The following NCALD variants were observed in gnomAD, a reference collection of about 807,000 sequenced individuals.
NCALD encodes neurocalcin delta, also known as neurocalcin-delta.
In NCALD, 10 loss-of-function variants were observed where a neutral mutation model predicts 18.6. The ratio of observed to expected loss-of-function variants is 0.54; its 90% CI spans 0.33 to 0.91. The LOEUF is 0.91. NCALD is among the 40% of genes least tolerant of loss of function. The probability of loss-of-function intolerance (pLI) is 0.03; values close to 1 mark genes in which losing one functional copy is unlikely to be tolerated. For synonymous variants in NCALD, 88 were observed against 87.4 expected, an observed-to-expected ratio of 1.01 and a Z score of -0.04; for missense variants, 184 against 247.6, an observed-to-expected ratio of 0.74 and a Z score of 1.72.
chr8:102,068,575 G>A (rs938015675), intron 1 of NCALD, among the ~76,000 whole-genome samples: 18 of 152,180 alleles, frequency 1.2e-4, no homozygotes, highest in Middle Eastern at 3.4e-3. Context: ...CCAGTTTAAA[G>A]TTGCCTGCCT....
At chr8:101,909,403 C>A (rs906241484) in intron 3 of NCALD, among the ~76,000 whole-genome samples, 3 of 152,160 alleles carry the variant, frequency 2.0e-5, no homozygotes, top group South Asian at 2.1e-4. Flanking sequence ...CAAAGAAATG[C>A]CCTCCTGTGA....
intron 1 of NCALD, among the ~76,000 whole-genome samples, chr8:102,123,478 T>G (rs1336556963): frequency 7.8e-6 from 1 of 128,830 alleles, no homozygotes; most frequent in Non-Finnish European, 1.7e-5. Flanking sequence ...AAAAAAAAAC[T>G]TGTGTATTTC....
chr8:101,984,464 A>T (rs1820730124), intron 2 of NCALD, among the ~76,000 whole-genome samples: 1 of 152,208 alleles, frequency 6.6e-6, no homozygotes, highest in South Asian at 2.1e-4. Context: ...CTGACTAATA[A>T]ATGTTGAAGC....
At chr8:101,786,287 C>T (rs1263411047) in intron 1 of NCALD, among the ~76,000 whole-genome samples, 1 of 152,158 alleles carries the variant, frequency 6.6e-6, no homozygotes, top group East Asian at 1.9e-4. Flanking sequence ...TCCATAAAGG[C>T]CCTTGGGTTC....
intron 2 of NCALD, among the ~76,000 whole-genome samples, chr8:101,705,040 A>C (rs1815445236): frequency 6.6e-6 from 1 of 151,900 alleles, no homozygotes; most frequent in Non-Finnish European, 1.5e-5. Flanking sequence ...CAGCCTGGCC[A>C]ACATGATGAA....
At chr8:101,725,934 T>C (rs1330566737) in intron 1 of NCALD, among the ~76,000 whole-genome samples, 1 of 151,896 alleles carries the variant, frequency 6.6e-6, no homozygotes, top group East Asian at 1.9e-4. Context: ...GAACGGGTGT[T>C]GGAATTTTGA....
intron 4 of NCALD, among the ~76,000 whole-genome samples, chr8:101,869,561 T>C (rs773915504): frequency 6.6e-6 from 1 of 152,146 alleles, no homozygotes; most frequent in Non-Finnish European, 1.5e-5. Context: ...AGAAAACTAA[T>C]ACAGCTTGAT....
At chr8:101,866,011 T>A (rs1251329116) in intron 4 of NCALD, among the ~76,000 whole-genome samples, 1 of 152,156 alleles carries the variant, frequency 6.6e-6, no homozygotes, top group Non-Finnish European at 1.5e-5. Flanking sequence ...GCTCCAGTAC[T>A]TGAGAGAACT....
In NCALD at chr8:101,689,257, G is replaced by T; in HGVS notation, c.*52C>A. ...AAAAAAAAAAAATTGTTAAAAAGAA[G>T]AATCAAAAGGGAACACAAGCAGCTC... On this transcript the variant is annotated 3_prime_UTR_variant, in exon 4 of 4. Transcript: ENST00000220931. The surrounding 1 kb of genome is among the most constrained non-coding windows in gnomAD (Gnocchi z 4.4). 4.6e-6 allele frequency: 7 copies of T among 1,507,486 alleles called. No individual in the cohort carries two copies. Among genetic ancestry groups the T allele is most frequent in the Non-Finnish European group, 6.4e-6 (7 of 1,098,298 alleles). The allele number at this position is 1,507,486 out of a possible 1,614,324, so 93.4% of individuals were successfully genotyped here.
intron 2 of NCALD, among the ~76,000 whole-genome samples, chr8:101,694,712 TC>T (rs1297553683): frequency 1.3e-5 from 2 of 152,050 alleles, no homozygotes; most frequent in Non-Finnish European, 2.9e-5. Context: ...TCGTCTGCCC[TC>T]CTCATCATGG....
chr8:101,720,705 T>A (rs1022795153), intron 1 of NCALD, among the ~76,000 whole-genome samples: 2 of 152,210 alleles, frequency 1.3e-5, no homozygotes, highest in Non-Finnish European at 2.9e-5. Context: ...CCTTAAAGAA[T>A]GATTTATTTT....
At chr8:101,697,530 G>A (rs533628187) in intron 2 of NCALD, among the ~76,000 whole-genome samples, 3 of 152,154 alleles carry the variant, frequency 2.0e-5, no homozygotes, top group Admixed American at 6.5e-5. Flanking sequence ...GAAGAACATC[G>A]ATGGAAGAAT....
At chr8:102,079,624 A>G (rs970902109) in intron 1 of NCALD, among the ~76,000 whole-genome samples, 1 of 152,226 alleles carries the variant, frequency 6.6e-6, no homozygotes, top group Admixed American at 6.5e-5. Flanking sequence ...TAAAGTGTCA[A>G]TGTGCATTTC....
At chr8:101,948,767 G>C (rs1819276388) in intron 2 of NCALD, among the ~76,000 whole-genome samples, 2 of 152,174 alleles carry the variant, frequency 1.3e-5, no homozygotes, top group African/African-American at 4.8e-5. Context: ...AGGTTACCCT[G>C]AAGACCCGGA....
chr8:101,948,369 G>A (rs141408198), intron 2 of NCALD, among the ~76,000 whole-genome samples: 27 of 152,340 alleles, frequency 1.8e-4, no homozygotes, highest in African/African-American at 6.3e-4. Context: ...CTACCTCGGT[G>A]AAGGGTGCTC....
At chr8:102,115,847 G>A (rs74749287) in intron 1 of NCALD, among the ~76,000 whole-genome samples, 11,510 of 152,154 alleles carry the variant, frequency 0.076, 533 homozygotes, top group Non-Finnish European at 0.093. Context: ...CAGGACCAGT[G>A]GCAGCTCTTT....
At chr8:102,026,242 C>T (rs1288645836) in intron 1 of NCALD, among the ~76,000 whole-genome samples, 1 of 152,196 alleles carries the variant, frequency 6.6e-6, no homozygotes, top group Admixed American at 6.5e-5. Context: ...ACCCAAAAGT[C>T]TCAATTCATT....
chr8:101,807,026 C>G (rs1359779173), intron 4 of NCALD, among the ~76,000 whole-genome samples: 6 of 151,962 alleles, frequency 3.9e-5, no homozygotes, highest in Non-Finnish European at 7.4e-5. Context: ...TGAAAGAAGA[C>G]AGCTGTCAAC....
At chr8:101,904,989 G>A (rs1219474245) in intron 3 of NCALD, among the ~76,000 whole-genome samples, 2 of 151,838 alleles carry the variant, frequency 1.3e-5, no homozygotes, top group African/African-American at 4.8e-5. Flanking sequence ...GCCACATTTA[G>A]CAAAAAAAGA....
Sources: allele counts gnomAD v4.1 joint callset (sites outside exome capture counted in the v4.1 genomes callset), GRCh38; gene constraint gnomAD v4.1.1; non-coding constraint Gnocchi (gnomAD v3.1); transcripts MANE v1.5; gene names NCBI Gene and HGNC (gene_info 2026-07-23, HGNC 2026-07-21).